AARS1: variants seen among roughly 807,000 people sequenced by gnomAD.
The protein encoded by AARS1 is alanyl-tRNA synthetase 1.
A neutral mutation model predicts 108.9 loss-of-function variants in AARS1; 72 were observed. The ratio of observed to expected loss-of-function variants is 0.66; its 90% CI spans 0.55 to 0.80. The LOEUF is 0.80. Among genes scored for constraint, AARS1 ranks in the 30% least tolerant of loss-of-function variants. The probability of loss-of-function intolerance (pLI) is 0.00; values close to 1 mark genes in which losing one functional copy is unlikely to be tolerated. For missense variants in AARS1, 1,193 were observed against 1,233.2 expected, an observed-to-expected ratio of 0.97 and a Z score of 0.49; for synonymous variants, 489 against 465.7, an observed-to-expected ratio of 1.05 and a Z score of -0.64.
chr16:70,285,150 A>G (rs1202117602), intron 1 of AARS1, among the ~76,000 whole-genome samples: 1 of 151,882 alleles, frequency 6.6e-6, no homozygotes, highest in Non-Finnish European at 1.5e-5. Context: ...AATCGCTTGA[A>G]CCTGGGAAAT....
intron 12 of AARS1, among the ~76,000 whole-genome samples, chr16:70,261,991 C>A (rs767454585): frequency 5.3e-5 from 8 of 152,208 alleles, no homozygotes; most frequent in African/African-American, 1.9e-4. Context: ...ATCTAAAAGC[C>A]TCCATAAGGA....
intron 16 of AARS1, among the ~76,000 whole-genome samples, chr16:70,255,195 T>G (rs1174244415): frequency 5.7e-5 from 3 of 52,704 alleles, no homozygotes; most frequent in Non-Finnish European, 1.6e-4. Flanking sequence ...CAGATTCACA[T>G]TTTTTTTTTT....
At chr16:70,287,653 G>C (rs956094059) in intron 1 of AARS1, among the ~76,000 whole-genome samples, 2 of 151,924 alleles carry the variant, frequency 1.3e-5, no homozygotes, top group South Asian at 4.2e-4. Flanking sequence ...TGAGTCCAAA[G>C]GGTCGCTTGA....
rs538486729 is a variant in AARS1 at position 70,261,002 on chromosome 16, T to C, written c.1785+42A>G. The C allele has an allele frequency of 1.7e-4, 242 of 1,461,128 alleles. 2 individuals carry two copies. The highest frequency in any genetic ancestry group is 1.5e-3 in the South Asian group (134 of 87,956). 90.5% of individuals were successfully genotyped at this position (1,461,128 alleles called of 1,614,324 possible). On this transcript the variant is annotated intron_variant, in intron 13 of 20. Transcript: ENST00000261772. ...AATTTAAAGCCAGAGGAGAAGATAA[T>C]TACTAACCAGATCCAATGGGGGCCA...
At chr16:70,288,656 T>C (rs1171159601) in intron 1 of AARS1, among the ~76,000 whole-genome samples, 1 of 149,196 alleles carries the variant, frequency 6.7e-6, no homozygotes, top group Non-Finnish European at 1.5e-5. Context: ...AACCTCCGCC[T>C]GCCGGGTTCA....
At chr16:70,276,678 A>G in intron 3 of AARS1, 47 bp from the exon 4 acceptor site, 3 of 1,602,968 alleles carry the variant, frequency 1.9e-6, no homozygotes, top group Non-Finnish European at 1.7e-6. Flanking sequence ...CCAAACCAAA[A>G]TCTATTTAGT....
At chr16:70,278,774 C>T (rs756844471) in intron 2 of AARS1, among the ~76,000 whole-genome samples, 5 of 151,918 alleles carry the variant, frequency 3.3e-5, no homozygotes, top group Non-Finnish European at 7.4e-5. Flanking sequence ...CGGCACCTAG[C>T]TGGGTGCCTA....
At chr16:70,287,144 ACTC>A (rs1200816658) in intron 1 of AARS1, among the ~76,000 whole-genome samples, 64 of 148,356 alleles carry the variant, frequency 4.3e-4, no homozygotes, top group African/African-American at 1.6e-3. Flanking sequence ...CCAGCTAGCT[ACTC>A]GGGAGGCTGA....
At chr16:70,255,216 T>TTTTTTTTTA (rs1959955374) in intron 16 of AARS1, among the ~76,000 whole-genome samples, 2 of 145,402 alleles carry the variant, frequency 1.4e-5, no homozygotes, top group African/African-American at 5.1e-5. Context: ...TTTTTTTTTT[T>TTTTTTTTTA]GGAGACGGAG....
At chr16:70,288,753 G>A (rs1374486297) in intron 1 of AARS1, among the ~76,000 whole-genome samples, 3 of 151,688 alleles carry the variant, frequency 2.0e-5, no homozygotes, top group Non-Finnish European at 2.9e-5. Context: ...TTTTAGTAAA[G>A]ACGGGGTTTC....
At chr16:70,253,183 G>T in intron 20 of AARS1, 85 bp downstream of exon 20, 2 of 1,202,458 alleles carry the variant, frequency 1.7e-6, no homozygotes, top group Non-Finnish European at 2.4e-6. Flanking sequence ...CAGAAAGGCT[G>T]TTTCGAATGC....
At chr16:70,255,599 G>A in intron 16 of AARS1, 129 bp downstream of exon 16, 1 of 800,054 alleles carries the variant, frequency 1.2e-6, no homozygotes, top group Non-Finnish European at 2.1e-6. Context: ...TGGGGCAGGG[G>A]GAGTGGCCCA....
At chr16:70,265,232 C>T (rs924654090) in intron 10 of AARS1, 130 bp from the exon 11 acceptor site, 6 of 1,196,902 alleles carry the variant, frequency 5.0e-6, no homozygotes, top group Non-Finnish European at 7.3e-6. Flanking sequence ...GCACTACTGA[C>T]ATTTGGGGCC....
At chr16:70,287,772 C>CT (rs753916298) in intron 1 of AARS1, among the ~76,000 whole-genome samples, 5 of 151,828 alleles carry the variant, frequency 3.3e-5, no homozygotes, top group East Asian at 1.9e-4. Context: ...GACACTTTTT[C>CT]TTTTTTTTGA....
At chr16:70,287,818 C>T (rs1050827621) in intron 1 of AARS1, among the ~76,000 whole-genome samples, 13 of 152,152 alleles carry the variant, frequency 8.5e-5, no homozygotes, top group African/African-American at 2.4e-4. Context: ...GGCTGGAGTG[C>T]AATGGTGCGC....
At chr16:70,281,122 G>A (rs1384644074) in intron 2 of AARS1, among the ~76,000 whole-genome samples, 4 of 152,270 alleles carry the variant, frequency 2.6e-5, no homozygotes, top group African/African-American at 7.2e-5. Flanking sequence ...GAGCCACTGC[G>A]CCCAGCCTCA....
chr16:70,274,001 G>A (rs1029339927), intron 4 of AARS1, among the ~76,000 whole-genome samples: 4 of 151,414 alleles, frequency 2.6e-5, no homozygotes, highest in Non-Finnish European at 5.9e-5. Context: ...CTCCAGCCTG[G>A]GTGAGAGTGA....
At chr16:70,282,493 A>G in intron 2 of AARS1, 127 bp downstream of exon 2, 2 of 1,191,956 alleles carry the variant, frequency 1.7e-6, no homozygotes, top group Non-Finnish European at 2.5e-6. Flanking sequence ...CCCATCACAT[A>G]AAGTTTCACA....
At chr16:70,261,292 TATC>T (rs1163756548) in intron 12 of AARS1, 135 bp from the exon 13 acceptor site, 5 of 621,480 alleles carry the variant, frequency 8.0e-6, no homozygotes, top group South Asian at 4.8e-5. Flanking sequence ...ACTCCCTTAA[TATC>T]ATTAAATATG....
Sources: allele counts gnomAD v4.1 joint callset (sites outside exome capture counted in the v4.1 genomes callset), GRCh38; gene constraint gnomAD v4.1.1; transcripts MANE v1.5; gene names NCBI Gene and HGNC (gene_info 2026-07-23, HGNC 2026-07-21).